HBS1L: variants seen among roughly 807,000 people sequenced by gnomAD.
HBS1L encodes the protein HBS1 like translational GTPase, also known as HBS1-like protein.
A neutral mutation model predicts 88.9 loss-of-function variants in HBS1L; 55 were observed. That is an observed-to-expected ratio of 0.62 (90% CI 0.50 to 0.77). The LOEUF is 0.77. Among genes scored for constraint, HBS1L ranks in the 30% least tolerant of loss-of-function variants. The pLI is 0.00. For missense variants in HBS1L, 741 were observed against 829.3 expected, an observed-to-expected ratio of 0.89 and a Z score of 1.31; for synonymous variants, 267 against 288.5, an observed-to-expected ratio of 0.93 and a Z score of 0.76.
Position 134,986,822 on chromosome 6 carries a change from C to A in HBS1L, c.1231-12G>T. On this transcript the variant is annotated splice_polypyrimidine_tract_variant and intron_variant, in intron 9 of 17. Transcript: ENST00000367837. ...TGTTGCCAATTAACCTGATAAAGAT[C>A]CAATTTATTTTTAAAACTATCCTTC... 2.0e-6 allele frequency: 3 copies of A among 1,463,538 alleles called. No homozygotes were observed. Among genetic ancestry groups the A allele is most frequent in the East Asian group, 2.5e-5 (1 of 40,526 alleles). The allele number at this position is 1,463,538 out of a possible 1,614,324, so 90.7% of individuals were successfully genotyped here.
chr6:135,053,071 T>C (rs1196783946), intron 1 of HBS1L, among the ~76,000 whole-genome samples: 1 of 152,214 alleles, frequency 6.6e-6, no homozygotes, highest in East Asian at 1.9e-4. Context: ...ACAGCTTGGT[T>C]ATGATGTCAC....
chr6:135,028,564 A>G (rs1335138542), intron 4 of HBS1L, among the ~76,000 whole-genome samples: 1 of 152,156 alleles, frequency 6.6e-6, no homozygotes, highest in Non-Finnish European at 1.5e-5. Flanking sequence ...TTTTTGTAAA[A>G]CCATCACAAG....
chr6:134,995,124 G>A (rs1181345643), intron 7 of HBS1L, among the ~76,000 whole-genome samples: 7 of 151,986 alleles, frequency 4.6e-5, no homozygotes, highest in Admixed American at 4.6e-4. Flanking sequence ...CAGAGTAATG[G>A]TGAACTAAGA....
At chr6:135,000,077 T>C (rs557101948) in intron 5 of HBS1L, among the ~76,000 whole-genome samples, 2 of 151,760 alleles carry the variant, frequency 1.3e-5, no homozygotes, top group African/African-American at 4.8e-5. Flanking sequence ...TTTTTTGAGA[T>C]GGTCTCGCTC....
chr6:135,037,018 T>G, intron 4 of HBS1L: 2 of 1,551,560 alleles, frequency 1.3e-6, no homozygotes, highest in Middle Eastern at 1.7e-4. Context: ...AGACCTCACT[T>G]CAGATAAACT....
intron 4 of HBS1L, among the ~76,000 whole-genome samples, chr6:135,011,411 T>A (rs574685694): frequency 4.6e-5 from 7 of 152,240 alleles, no homozygotes; most frequent in African/African-American, 1.7e-4. Flanking sequence ...TCCTAGCTAC[T>A]CAGGAGGTTG....
At chr6:134,975,639 C>T (rs1281534284) in intron 15 of HBS1L, among the ~76,000 whole-genome samples, 1 of 152,118 alleles carries the variant, frequency 6.6e-6, no homozygotes, top group Non-Finnish European at 1.5e-5. Context: ...ACAAGGCATG[C>T]AAAAACATAA....
At chr6:135,034,500 C>T (rs1776474097) in intron 4 of HBS1L, among the ~76,000 whole-genome samples, 1 of 152,070 alleles carries the variant, frequency 6.6e-6, no homozygotes, top group African/African-American at 2.4e-5. Flanking sequence ...AAAAATTAGC[C>T]AGGTGTGGTG....
At chr6:134,968,816 A>G (rs1034525193) in intron 16 of HBS1L, among the ~76,000 whole-genome samples, 3 of 151,882 alleles carry the variant, frequency 2.0e-5, no homozygotes, top group Non-Finnish European at 4.4e-5. Context: ...TGTATAGATT[A>G]TTTTCTTCTT....
chr6:135,024,993 TATCACATACTAAGA>T (rs937566455), intron 4 of HBS1L, among the ~76,000 whole-genome samples: 13 of 152,270 alleles, frequency 8.5e-5, no homozygotes, highest in Non-Finnish European at 1.8e-4. Flanking sequence ...AGGCCTGCTG[TATCACATACTAAGA>T]AAGAAATTAT....
Position 135,041,985 on chromosome 6 carries a change from C to CTA in HBS1L, c.235+14_235+15dup. 6.2e-7 allele frequency: 1 copy of CTA among 1,610,076 alleles called. No individual in the cohort carries two copies. The highest frequency in any genetic ancestry group is 8.5e-7 in the Non-Finnish European group (1 of 1,177,696). ...TAATCACTTTCAGATAACAGATACA[C>CTA]TACTTTTTGCTATACCTTGATCAAA... On this transcript the variant is annotated intron_variant, in intron 3 of 17. Coordinates refer to ENST00000367837, the MANE Select transcript of HBS1L (RefSeq NM_006620.4).
intron 4 of HBS1L, among the ~76,000 whole-genome samples, chr6:135,005,772 G>A (rs973350027): frequency 6.6e-6 from 1 of 152,132 alleles, no homozygotes; most frequent in African/African-American, 2.4e-5. Flanking sequence ...CGGGAGAAAC[G>A]CTCTTTTATT....
At position 135,049,093 on chromosome 6, in the gene HBS1L, T is replaced by C. The variant is rs143006929; in HGVS notation, c.109+1489A>G. Among the ~76,000 whole-genome samples, 481 of 152,296 alleles carry C rather than the reference T, an allele frequency of 3.2e-3. 3 individuals carry two copies. The highest frequency in any genetic ancestry group is 0.014 in the Middle Eastern group (4 of 294). On this transcript the variant is annotated intron_variant, in intron 2 of 17. Coordinates refer to ENST00000367837, the MANE Select transcript of HBS1L (RefSeq NM_006620.4). ...GGGTAATTAAGACAAGGAGGATGTATTAGTCCATTCAGGCTGCTATAACAA... is the reference window on the plus strand; with the variant it reads ...GGGTAATTAAGACAAGGAGGATGTACTAGTCCATTCAGGCTGCTATAACAA...
intron 4 of HBS1L, among the ~76,000 whole-genome samples, chr6:135,020,838 C>T (rs974481148): frequency 2.6e-5 from 4 of 151,674 alleles, no homozygotes; most frequent in African/African-American, 9.7e-5. Context: ...CTAAATTTAT[C>T]GGTATTAAAA....
At chr6:134,979,362 C>A in intron 13 of HBS1L, 94 bp from the exon 14 acceptor site, 1 of 811,210 alleles carries the variant, frequency 1.2e-6, no homozygotes, top group South Asian at 1.4e-5. Context: ...CTTCATCAGT[C>A]ACTACTCATC....
chr6:134,993,968 G>A (rs1775219068), intron 7 of HBS1L, 93 bp from the exon 8 acceptor site: 1 of 489,466 alleles, frequency 2.0e-6, no homozygotes, highest in African/African-American at 2.0e-5. Context: ...ACATTCTTAG[G>A]TAAAAATGGA....
intron 12 of HBS1L, among the ~76,000 whole-genome samples, chr6:134,983,965 A>G (rs1282655329): frequency 6.6e-6 from 1 of 152,172 alleles, no homozygotes; most frequent in Middle Eastern, 3.2e-3. Context: ...CATCAGAACC[A>G]ATGCCAAATT....
intron 4 of HBS1L, chr6:135,036,772 G>T: frequency 6.4e-7 from 1 of 1,551,562 alleles, no homozygotes; most frequent in Non-Finnish European, 8.7e-7. Flanking sequence ...TGAGGCAAAA[G>T]CTGAAGGTCT....
At chr6:135,052,758 T>C (rs1777128843) in intron 1 of HBS1L, among the ~76,000 whole-genome samples, 2 of 152,202 alleles carry the variant, frequency 1.3e-5, no homozygotes, top group African/African-American at 4.8e-5. Flanking sequence ...TAAAGAACAT[T>C]GTGCCAGCTA....
Sources: gnomAD v4.1 joint callset for allele counts (sites outside exome capture counted in the v4.1 genomes callset) on GRCh38, gnomAD v4.1.1 for gene constraint, MANE v1.5 for transcripts, NCBI Gene and HGNC (gene_info 2026-07-23, HGNC 2026-07-21) for gene names.